Variants in DOCK9 observed in about 807,000 individuals in gnomAD.
The protein encoded by DOCK9 is dedicator of cytokinesis protein 9.
In DOCK9, 89 loss-of-function variants were observed where a neutral mutation model predicts 263.3. The observed-to-expected ratio is 0.34, with a 90% CI of 0.28 to 0.40. DOCK9 has a LOEUF of 0.40. Ranked by LOEUF, DOCK9 falls within the 10% of genes least tolerant of loss-of-function variation. DOCK9 has a pLI of 1.00. For synonymous variants in DOCK9, 976 were observed against 973.1 expected (o/e 1.00, Z -0.06); for missense variants, 2,140 against 2,603.4 (o/e 0.82, Z 3.87).
In DOCK9 at chr13:99,078,470, A is replaced by G. The variant is rs143369842; in HGVS notation, c.129+7753T>C. 4.6e-3 allele frequency among the ~76,000 whole-genome samples: 707 copies of G among 152,306 alleles called. 5 individuals carry two copies. Among genetic ancestry groups the G allele is most frequent in the African/African-American group, 0.016 (675 of 41,564 alleles). On this transcript the variant is annotated intron_variant, in intron 1 of 32. Transcript: ENST00000427887. ...GCTTAGTCGTATGGGGTGAGCCCTG[A>G]GAGGCCGCCCCACACTAAGGACATG... is the stretch of plus-strand genomic sequence containing the variant.
At chr13:98,908,184 A>T (rs2049406591) in intron 9 of DOCK9, among the ~76,000 whole-genome samples, 1 of 152,208 alleles carries the variant, frequency 6.6e-6, no homozygotes, top group South Asian at 2.1e-4. Context: ...AAATATATGA[A>T]AATATGAAAA....
Sources: allele counts gnomAD v4.1 joint callset (sites outside exome capture counted in the v4.1 genomes callset), GRCh38; gene constraint gnomAD v4.1.1; transcripts MANE v1.5; gene names NCBI Gene and HGNC (gene_info 2026-07-23, HGNC 2026-07-21).